The following CNGB1 variants were observed in gnomAD, a reference collection of about 807,000 sequenced individuals.
CNGB1 encodes the protein cyclic nucleotide-gated channel beta-1.
Under a neutral mutation model 151.7 loss-of-function variants are expected in CNGB1, and 126 were observed. The observed-to-expected ratio is 0.83, with a 90% CI of 0.72 to 0.96. The LOEUF (loss-of-function observed/expected upper bound fraction) is 0.96. Among genes scored for constraint, CNGB1 ranks in the 40% least tolerant of loss-of-function variants. The pLI is 0.00. For missense variants in CNGB1, 1,698 were observed against 1,627.0 expected (o/e 1.04, Z -0.75); for synonymous variants, 623 against 635.1 (o/e 0.98, Z 0.29).
chr16:57,928,100 AC>A (rs1961242434), intron 17 of CNGB1, among the ~76,000 whole-genome samples: 1 of 151,606 alleles, frequency 6.6e-6, no homozygotes, highest in Non-Finnish European at 1.5e-5. Flanking sequence ...CAGAAGAGTT[AC>A]AGACAGCCTC....
intron 11 of CNGB1, among the ~76,000 whole-genome samples, chr16:57,957,652 C>T (rs1348770387): frequency 1.3e-5 from 2 of 152,236 alleles, no homozygotes; most frequent in Non-Finnish European, 2.9e-5. Flanking sequence ...GGAGCCAGGC[C>T]GAGCTCTTGA....
chr16:57,959,439 C>A (rs765511440), intron 10 of CNGB1, among the ~76,000 whole-genome samples: 1 of 152,042 alleles, frequency 6.6e-6, no homozygotes, highest in Admixed American at 6.6e-5. Context: ...CATGGCGAAA[C>A]CCCGTCTCTA....
intron 31 of CNGB1, among the ~76,000 whole-genome samples, chr16:57,889,692 A>T (rs1401280890): frequency 6.6e-6 from 1 of 152,190 alleles, no homozygotes; most frequent in Non-Finnish European, 1.5e-5. Context: ...CTTATTATTC[A>T]TCCTCATTTC....
intron 14 of CNGB1, among the ~76,000 whole-genome samples, chr16:57,948,355 A>G (rs1188083830): frequency 7.3e-6 from 1 of 137,892 alleles, no homozygotes; most frequent in Non-Finnish European, 1.5e-5. Flanking sequence ...GGGTTTTGCT[A>G]TGTTGGCTAG....
At chr16:57,936,799 C>CAAAA (rs11400925) in intron 16 of CNGB1, among the ~76,000 whole-genome samples, 2,272 of 128,700 alleles carry the variant, frequency 0.018, 59 homozygotes, top group African/African-American at 0.062. Context: ...AACAAACAAA[C>CAAAA]AAAAAAAAAA....
At chr16:57,893,682 TC>T (rs1372068902) in intron 31 of CNGB1, among the ~76,000 whole-genome samples, 1 of 152,078 alleles carries the variant, frequency 6.6e-6, no homozygotes, top group Non-Finnish European at 1.5e-5. Flanking sequence ...CCTGCAGTAG[TC>T]CCAGCTATTG....
intron 14 of CNGB1, among the ~76,000 whole-genome samples, chr16:57,940,673 T>C (rs1174377960): frequency 1.3e-5 from 2 of 152,116 alleles, no homozygotes; most frequent in Non-Finnish European, 2.9e-5. Flanking sequence ...GAGAAATGCA[T>C]GGAGGACGGT....
chr16:57,910,083 G>C (rs1049415471), intron 25 of CNGB1, among the ~76,000 whole-genome samples: 2 of 152,136 alleles, frequency 1.3e-5, no homozygotes, highest in Non-Finnish European at 2.9e-5. Flanking sequence ...CCAACCATCG[G>C]AACGGACCCC....
At chr16:57,886,563 T>G (rs1158002785) in intron 32 of CNGB1, among the ~76,000 whole-genome samples, 1 of 152,184 alleles carries the variant, frequency 6.6e-6, no homozygotes, top group South Asian at 2.1e-4. Context: ...ACTTCTACTG[T>G]CAAACAACAT....
At chr16:57,894,604 A>G (rs1960174910) in intron 31 of CNGB1, among the ~76,000 whole-genome samples, 1 of 152,220 alleles carries the variant, frequency 6.6e-6, no homozygotes, top group African/African-American at 2.4e-5. Context: ...TCATCTCAAA[A>G]AAGAAAAAAA....
intron 18 of CNGB1, 44 bp downstream of exon 18, chr16:57,923,229 T>G: frequency 6.0e-6 from 6 of 996,842 alleles, no homozygotes; most frequent in Non-Finnish European, 9.1e-6. Context: ...TCCCCCACCC[T>G]CCCCGCAGTC....
chr16:57,948,494 CTCT>C (rs1376901631), intron 14 of CNGB1, among the ~76,000 whole-genome samples: 1 of 152,052 alleles, frequency 6.6e-6, no homozygotes, highest in Non-Finnish European at 1.5e-5. Flanking sequence ...GGGCCCCATA[CTCT>C]TCTTGTCTCT....
At chr16:57,923,105 C>T in intron 18 of CNGB1, 168 bp downstream of exon 18, 1 of 525,038 alleles carries the variant, frequency 1.9e-6, no homozygotes, top group South Asian at 2.0e-5. Context: ...GACTCCTGGG[C>T]CAGCCAGAAG....
chr16:57,888,170 G>T, intron 31 of CNGB1, 96 bp from the exon 32 acceptor site: 1 of 1,335,876 alleles, frequency 7.5e-7, no homozygotes, highest in Non-Finnish European at 1.0e-6. Flanking sequence ...GCTGTGTAGT[G>T]GTGGTGATTT....
intron 24 of CNGB1, among the ~76,000 whole-genome samples, chr16:57,912,358 C>T (rs754575829): frequency 6.6e-6 from 1 of 152,178 alleles, no homozygotes; most frequent in African/African-American, 2.4e-5. Context: ...AGGCCCGGTT[C>T]GCTGCAATGC....
chr16:57,941,514 G>A (rs1961667155), intron 14 of CNGB1, among the ~76,000 whole-genome samples: 1 of 152,194 alleles, frequency 6.6e-6, no homozygotes. Context: ...CTGCGTGCCA[G>A]GCAGTCTGCA....
chr16:57,942,612 C>G (rs900651699), intron 14 of CNGB1, among the ~76,000 whole-genome samples: 3 of 152,174 alleles, frequency 2.0e-5, no homozygotes, highest in Non-Finnish European at 2.9e-5. Context: ...TGCCTGTAAT[C>G]TCGGCATTTT....
intron 16 of CNGB1, among the ~76,000 whole-genome samples, chr16:57,932,932 G>T (rs117565821): frequency 0.011 from 1,542 of 144,654 alleles, 35 homozygotes; most frequent in East Asian, 0.092. Flanking sequence ...TTTTGAGAAG[G>T]GGGGGCGGGT....
intron 15 of CNGB1, among the ~76,000 whole-genome samples, chr16:57,939,901 C>T (rs1444688843): frequency 6.6e-6 from 1 of 152,228 alleles, no homozygotes; most frequent in African/African-American, 2.4e-5. Flanking sequence ...GTGTGCAAGC[C>T]CTTTTGGGTC....
Sources: gnomAD v4.1 joint callset for allele counts (sites outside exome capture counted in the v4.1 genomes callset) on GRCh38, gnomAD v4.1.1 for gene constraint, MANE v1.5 for transcripts, NCBI Gene and HGNC (gene_info 2026-07-23, HGNC 2026-07-21) for gene names.